The following SYN3 variants were observed in gnomAD, a reference collection of about 807,000 sequenced individuals.
SYN3 encodes synapsin III.
Under a neutral mutation model 65.8 loss-of-function variants are expected in SYN3, and 35 were observed. That is an observed-to-expected ratio of 0.53 (90% confidence interval 0.41 to 0.70). SYN3 has a LOEUF of 0.70. Among genes scored for constraint, SYN3 ranks in the 30% least tolerant of loss-of-function variants. The pLI, the probability that SYN3 is intolerant of heterozygous loss-of-function variation, is 0.00. For synonymous variants in SYN3, 270 were observed against 292.9 expected (o/e 0.92, Z 0.80); for missense variants, 680 against 749.0 (o/e 0.91, Z 1.08).
At chr22:32,752,112 CTTGCTGAG>C (rs2045145631) in intron 6 of SYN3, among the ~76,000 whole-genome samples, 1 of 152,200 alleles carries the variant, frequency 6.6e-6, no homozygotes, top group South Asian at 2.1e-4. Context: ...TTAATAAATA[CTTGCTGAG>C]TGAGTACATG....
intron 3 of SYN3, among the ~76,000 whole-genome samples, chr22:32,945,811 C>G (rs2051089911): frequency 6.6e-6 from 1 of 152,054 alleles, no homozygotes; most frequent in Non-Finnish European, 1.5e-5. Context: ...GGGCTAATAT[C>G]CAGAATCTAC....
intron 3 of SYN3, among the ~76,000 whole-genome samples, chr22:32,937,910 T>C (rs1452793052): frequency 6.6e-6 from 1 of 152,022 alleles, no homozygotes; most frequent in African/African-American, 2.4e-5. Context: ...AATAGTCTAA[T>C]ATATGAGTAA....
At chr22:32,777,538 A>G (rs1402085623) in intron 6 of SYN3, among the ~76,000 whole-genome samples, 1 of 152,128 alleles carries the variant, frequency 6.6e-6, no homozygotes, top group Non-Finnish European at 1.5e-5. Context: ...ACATTCTATC[A>G]TCAGTTCATC....
chr22:33,010,882 C>T (rs565220796), intron 1 of SYN3, among the ~76,000 whole-genome samples: 1 of 152,218 alleles, frequency 6.6e-6, no homozygotes, highest in East Asian at 1.9e-4. Flanking sequence ...TTTAAAATGA[C>T]ACTGTTTTCT....
intron 7 of SYN3, among the ~76,000 whole-genome samples, chr22:32,594,851 G>A (rs1206965862): frequency 1.3e-5 from 2 of 152,164 alleles, no homozygotes; most frequent in African/African-American, 4.8e-5. Context: ...GTATAACAGG[G>A]TAGGGAAAAC....
At chr22:32,689,403 G>T (rs2060634001) in intron 6 of SYN3, among the ~76,000 whole-genome samples, 1 of 152,196 alleles carries the variant, frequency 6.6e-6, no homozygotes, top group African/African-American at 2.4e-5. Context: ...GGACTCCCGT[G>T]TCACGGGGTA....
At chr22:32,959,552 G>GA (rs1214943458) in intron 3 of SYN3, among the ~76,000 whole-genome samples, 12 of 144,672 alleles carry the variant, frequency 8.3e-5, no homozygotes, top group Middle Eastern at 3.4e-3. Flanking sequence ...CACTGTCTCA[G>GA]AAAAAAAAAA....
At chr22:32,677,006 T>G (rs1235628698) in intron 6 of SYN3, among the ~76,000 whole-genome samples, 1 of 152,186 alleles carries the variant, frequency 6.6e-6, no homozygotes, top group East Asian at 1.9e-4. Context: ...CCACGACAAT[T>G]TGAAGTCTAA....
intron 6 of SYN3, among the ~76,000 whole-genome samples, chr22:32,667,823 A>G (rs1478814806): frequency 7.3e-6 from 1 of 136,340 alleles, no homozygotes; most frequent in African/African-American, 2.8e-5. Flanking sequence ...TTTGAGACGG[A>G]GTGTCGCTCT....
intron 6 of SYN3, among the ~76,000 whole-genome samples, chr22:32,793,165 C>T (rs534130124): frequency 7.2e-5 from 11 of 152,252 alleles, no homozygotes; most frequent in African/African-American, 9.6e-5. Flanking sequence ...CCAAGGTTGA[C>T]GAGTTGCAGA....
At chr22:32,840,358 C>A (rs939251495) in intron 6 of SYN3, among the ~76,000 whole-genome samples, 4 of 152,046 alleles carry the variant, frequency 2.6e-5, no homozygotes, top group African/African-American at 9.7e-5. Flanking sequence ...CTGGCCTTGG[C>A]GTTGACATCA....
intron 6 of SYN3, among the ~76,000 whole-genome samples, chr22:32,788,557 A>G (rs2013564): frequency 0.12 from 18,491 of 152,110 alleles, 1,163 homozygotes; most frequent in Middle Eastern, 0.18. Context: ...AAAAATAATA[A>G]TAATATGGAT....
chr22:32,734,740 G>C (rs2061315948), intron 6 of SYN3, among the ~76,000 whole-genome samples: 4 of 152,120 alleles, frequency 2.6e-5, no homozygotes. Context: ...GATTCCACAG[G>C]ACATTCCCCC....
chr22:32,752,097 G>C lies in SYN3; in HGVS notation c.711+112818C>G, dbSNP rs117327633. On this transcript the variant is annotated intron_variant, in intron 6 of 13. Coordinates refer to ENST00000358763, the MANE Select transcript of SYN3 (RefSeq NM_003490.4). ...CTAGAACAGTGCCTGAAATATAGTAGATGCTTAATAAATACTTGCTGAGTG... is the reference window on the plus strand; with the variant it reads ...CTAGAACAGTGCCTGAAATATAGTACATGCTTAATAAATACTTGCTGAGTG... Among the ~76,000 whole-genome samples the C allele has an allele frequency of 3.7e-3, 570 of 152,258 alleles. 12 individuals carry two copies. Among genetic ancestry groups the C allele is most frequent in the East Asian group, 0.026 (136 of 5,180 alleles).
At chr22:32,640,132 A>G (rs1169753561) in intron 6 of SYN3, among the ~76,000 whole-genome samples, 2 of 152,140 alleles carry the variant, frequency 1.3e-5, no homozygotes, top group African/African-American at 4.8e-5. Flanking sequence ...GTGAAGGACT[A>G]TACTGTCTTC....
chr22:32,875,580 G>A (rs1181918120), intron 4 of SYN3, among the ~76,000 whole-genome samples: 1 of 152,152 alleles, frequency 6.6e-6, no homozygotes, highest in African/African-American at 2.4e-5. Flanking sequence ...GTTAAGATGA[G>A]GTCACACTGG....
At chr22:33,010,662 T>C (rs908248194) in intron 1 of SYN3, among the ~76,000 whole-genome samples, 1 of 152,238 alleles carries the variant, frequency 6.6e-6, no homozygotes, top group Non-Finnish European at 1.5e-5. Flanking sequence ...TATTTTCATA[T>C]GCATTTTAAA....
chr22:32,983,893 C>T (rs2052442084), intron 2 of SYN3, among the ~76,000 whole-genome samples: 1 of 152,134 alleles, frequency 6.6e-6, no homozygotes, highest in African/African-American at 2.4e-5. Flanking sequence ...GGCATGGTGG[C>T]TCATGCCTGT....
chr22:32,669,639 C>G (rs2064638993), intron 6 of SYN3, among the ~76,000 whole-genome samples: 1 of 152,202 alleles, frequency 6.6e-6, no homozygotes, highest in East Asian at 1.9e-4. Context: ...CCCATTCTCC[C>G]TTGTTCCAAG....
Sources: gnomAD v4.1 joint callset for allele counts (sites outside exome capture counted in the v4.1 genomes callset) on GRCh38, gnomAD v4.1.1 for gene constraint, MANE v1.5 for transcripts, NCBI Gene and HGNC (gene_info 2026-07-23, HGNC 2026-07-21) for gene names.